The following GDAP1 variants were observed in gnomAD, a reference collection of about 807,000 sequenced individuals.
GDAP1 encodes ganglioside-induced differentiation-associated protein 1.
A neutral mutation model predicts 40.1 loss-of-function variants in GDAP1; 34 were observed. The observed-to-expected ratio is 0.85, with a 90% CI of 0.64 to 1.13. The LOEUF is 1.13. GDAP1 is among the 50% of genes most tolerant of loss of function. The probability of loss-of-function intolerance (pLI) is 0.00; values close to 1 mark genes in which losing one functional copy is unlikely to be tolerated. For synonymous variants in GDAP1, 170 were observed against 157.4 expected (o/e 1.08, Z -0.60); for missense variants, 374 against 433.7 (o/e 0.86, Z 1.22).
intron 2 of GDAP1, among the ~76,000 whole-genome samples, chr8:74,413,718 T>C (rs1331859905): frequency 8.3e-6 from 1 of 120,138 alleles, no homozygotes; most frequent in African/African-American, 4.3e-5. Context: ...ACTCCTAAGC[T>C]TTTTTTTTTT....
chr8:74,430,731 T>C lies in GDAP1; in HGVS notation c.166-57947T>C, dbSNP rs535559984. Reference sequence around the variant, plus strand: ...TACAAAACAAAAAATAAAAAAGCAATTTTTACAAATCTTGTGTGTTCAGTT... The same window carrying C: ...TACAAAACAAAAAATAAAAAAGCAACTTTTACAAATCTTGTGTGTTCAGTT... On this transcript the variant is annotated intron_variant, in intron 2 of 2. Transcript: ENST00000523640. Among the ~76,000 whole-genome samples the C allele has an allele frequency of 9.9e-5, 15 of 151,866 alleles. No homozygotes were observed. In the East Asian group the frequency reaches 2.9e-3, roughly 30 times the overall value.
At chr8:74,371,438 A>ATCTCCGGACCTCC (rs1809747727), downstream of GDAP1, among the ~76,000 whole-genome samples, 1 of 152,168 alleles carries the variant, frequency 6.6e-6, no homozygotes, top group South Asian at 2.1e-4. Flanking sequence ...AGGCGGGCGG[A>ATCTCCGGACCTCC]TCACGAGGTC....
intron 2 of GDAP1, among the ~76,000 whole-genome samples, chr8:74,375,612 TAGAA>T (rs1809840488): frequency 6.6e-6 from 1 of 152,146 alleles, no homozygotes; most frequent in Admixed American, 6.5e-5. Context: ...TTCAGGATAC[TAGAA>T]ATAGAAGGAA....
downstream of GDAP1, among the ~76,000 whole-genome samples, chr8:74,367,752 A>G (rs1809685535): frequency 6.6e-6 from 1 of 152,234 alleles, no homozygotes; most frequent in Admixed American, 6.5e-5. Context: ...GTGTGAGGAT[A>G]GTAGTTTTAA....
chr8:74,440,256 C>T lies in GDAP1; in HGVS notation c.166-48422C>T, dbSNP rs7827083. ...CACTAAGTCTGGAGGATTCCTTAGC[C>T]GCACATGAATAGTGTAAATTTAAAC... is the stretch of plus-strand genomic sequence containing the variant. On this transcript the variant is annotated intron_variant, in intron 2 of 2. Coordinates refer to the GDAP1 transcript ENST00000523640. 8.5e-3 allele frequency among the ~76,000 whole-genome samples: 1,296 copies of T among 152,166 alleles called. 23 individuals are homozygous for T. Among genetic ancestry groups the T allele is most frequent in the African/African-American group, 0.03 (1,225 of 41,508 alleles).
chr8:74,450,479 G>T (rs1191480394), intron 2 of GDAP1, among the ~76,000 whole-genome samples: 1 of 151,604 alleles, frequency 6.6e-6, no homozygotes, highest in Non-Finnish European at 1.5e-5. Context: ...GTCCCTTGAG[G>T]TCTGTTAATT....
intron 2 of GDAP1, among the ~76,000 whole-genome samples, chr8:74,462,295 A>G (rs1298672063): frequency 6.6e-6 from 1 of 152,210 alleles, no homozygotes; most frequent in Non-Finnish European, 1.5e-5. Flanking sequence ...ATAGAAAACT[A>G]AGAAAATAGA....
intron 2 of GDAP1, among the ~76,000 whole-genome samples, chr8:74,429,296 A>G (rs893359734): frequency 1.5e-4 from 23 of 152,004 alleles, no homozygotes; most frequent in Admixed American, 1.1e-3. Flanking sequence ...AACTTAAAGT[A>G]TAATAAAAAA....
At chr8:74,434,574 G>A (rs1175997189) in intron 2 of GDAP1, among the ~76,000 whole-genome samples, 1 of 152,202 alleles carries the variant, frequency 6.6e-6, no homozygotes, top group East Asian at 1.9e-4. Context: ...AACAGACAAA[G>A]TATGGCATGA....
At chr8:74,382,510 A>G (rs961965306) in intron 2 of GDAP1, among the ~76,000 whole-genome samples, 1 of 152,056 alleles carries the variant, frequency 6.6e-6, no homozygotes, top group African/African-American at 2.4e-5. Flanking sequence ...AAGAATATAG[A>G]TTATAGTTTA....
chr8:74,482,310 A>G (rs562933667), intron 2 of GDAP1, among the ~76,000 whole-genome samples: 1 of 152,178 alleles, frequency 6.6e-6, no homozygotes, highest in Non-Finnish European at 1.5e-5. Context: ...TGAATATATC[A>G]GCAAATTATC....
At chr8:74,428,633 ATT>A (rs1195348725) in intron 2 of GDAP1, among the ~76,000 whole-genome samples, 2 of 42,846 alleles carry the variant, frequency 4.7e-5, no homozygotes, top group Non-Finnish European at 3.8e-5. Context: ...CACCCGGCTA[ATT>A]TTTTTTTTTT....
At chr8:74,397,127 T>C (rs1472398536) in intron 2 of GDAP1, among the ~76,000 whole-genome samples, 1 of 152,194 alleles carries the variant, frequency 6.6e-6, no homozygotes, top group African/African-American at 2.4e-5. Context: ...CATTTTTTCA[T>C]GTATCTGTTG....
intron 2 of GDAP1, among the ~76,000 whole-genome samples, chr8:74,456,222 T>A (rs937943768): frequency 1.3e-5 from 2 of 151,858 alleles, no homozygotes; most frequent in Middle Eastern, 3.2e-3. Flanking sequence ...GTTCTGTCAC[T>A]GGGGGAGATT....
intron 2 of GDAP1, among the ~76,000 whole-genome samples, chr8:74,385,745 T>A (rs1041937408): frequency 1.3e-5 from 2 of 152,164 alleles, no homozygotes; most frequent in African/African-American, 4.8e-5. Flanking sequence ...TGGTTGTAGA[T>A]CCTTAAGGAA....
chr8:74,396,267 A>T (rs1438964148), intron 2 of GDAP1, among the ~76,000 whole-genome samples: 1 of 152,004 alleles, frequency 6.6e-6, no homozygotes, highest in Non-Finnish European at 1.5e-5. Flanking sequence ...ATTGGTTTCC[A>T]CAATTCCAAT....
chr8:74,364,358 T>G lies in GDAP1; in HGVS notation c.1068T>G (p.Asn356Lys). ...TATTAGCATTTAGACCCAGACCAAA[T>G]TATTTCTAGGTTTGTTGGGATCTTG... ...SMILAFRPRP[N>K]YF is the part of the protein sequence containing the mutation. Residue 356 changes from asparagine to lysine, a missense_variant, in exon 6 of 6, where the codon AAT (asparagine) becomes AAG (lysine). Coordinates refer to ENST00000220822, the MANE Select transcript of GDAP1 (RefSeq NM_018972.4). 6.2e-7 allele frequency: 1 copy of G among 1,613,650 alleles called. No individual in the cohort carries two copies. Among genetic ancestry groups the G allele is most frequent in the Non-Finnish European group, 8.5e-7 (1 of 1,179,990 alleles).
chr8:74,458,261 A>G (rs1806360042), intron 2 of GDAP1, among the ~76,000 whole-genome samples: 2 of 151,738 alleles, frequency 1.3e-5, no homozygotes, highest in Admixed American at 6.6e-5. Flanking sequence ...TTAAATATTA[A>G]TATATATAAA....
intron 2 of GDAP1, among the ~76,000 whole-genome samples, chr8:74,388,264 T>C (rs1416053759): frequency 6.6e-6 from 1 of 152,204 alleles, no homozygotes; most frequent in South Asian, 2.1e-4. Flanking sequence ...GTTTTAATTG[T>C]GATGTTAGGA....
Sources: gnomAD v4.1 joint callset for allele counts (sites outside exome capture counted in the v4.1 genomes callset) on GRCh38, gnomAD v4.1.1 for gene constraint, MANE v1.5 for transcripts, NCBI Gene and HGNC (gene_info 2026-07-23, HGNC 2026-07-21) for gene names.